Variants in APBA2 observed in about 807,000 individuals in gnomAD.
The protein encoded by APBA2 is amyloid-beta A4 precursor protein-binding family A member 2.
A neutral mutation model predicts 75.0 loss-of-function variants in APBA2; 30 were observed. That is an observed-to-expected ratio of 0.40 (90% CI 0.30 to 0.54). The LOEUF is 0.54. Among genes scored for constraint, APBA2 ranks in the 20% least tolerant of loss-of-function variants. The pLI is 0.49. For synonymous variants in APBA2, 444 were observed against 409.6 expected (o/e 1.08, Z -1.01); for missense variants, 801 against 1,016.1 (o/e 0.79, Z 2.88).
chr15:28,982,970 G>A (rs1460083977), intron 2 of APBA2, among the ~76,000 whole-genome samples: 1 of 152,228 alleles, frequency 6.6e-6, no homozygotes, highest in Non-Finnish European at 1.5e-5. Flanking sequence ...CTTGCATTTG[G>A]GTTGAGGTCC....
At chr15:28,889,629 G>A (rs534625523) in intron 1 of APBA2, among the ~76,000 whole-genome samples, 3 of 152,096 alleles carry the variant, frequency 2.0e-5, no homozygotes, top group Non-Finnish European at 4.4e-5. Context: ...TCATCTTGGC[G>A]CATGTCCATC....
intron 1 of APBA2, among the ~76,000 whole-genome samples, chr15:28,894,371 G>C: frequency 6.6e-6 from 1 of 152,212 alleles, no homozygotes; most frequent in Non-Finnish European, 1.5e-5. Context: ...GGCTGCTGGA[G>C]AATGTGCAGT....
intron 2 of APBA2, among the ~76,000 whole-genome samples, chr15:28,925,647 C>T (rs1281364175): frequency 6.6e-6 from 1 of 152,274 alleles, no homozygotes; most frequent in Admixed American, 6.5e-5. Context: ...GTGTATTTTG[C>T]TGTAGTTGGA....
intron 2 of APBA2, among the ~76,000 whole-genome samples, chr15:28,986,414 TG>T (rs1259089600): frequency 2.6e-5 from 4 of 152,230 alleles, no homozygotes; most frequent in African/African-American, 9.6e-5. Flanking sequence ...ACACTCAGCC[TG>T]TTCCGTAAGA....
intron 2 of APBA2, among the ~76,000 whole-genome samples, chr15:28,954,534 C>T (rs997745488): frequency 8.5e-5 from 13 of 152,190 alleles, no homozygotes; most frequent in Non-Finnish European, 1.9e-4. Context: ...GGTAACCCCC[C>T]ACCATGCACA....
At chr15:29,053,460 C>G (rs2041704843) in intron 3 of APBA2, among the ~76,000 whole-genome samples, 1 of 152,172 alleles carries the variant, frequency 6.6e-6, no homozygotes, top group South Asian at 2.1e-4. Context: ...ATTATGTCTT[C>G]TTAATGAAAG....
At chr15:29,108,665 A>G in intron 13 of APBA2, 1 of 562,068 alleles carries the variant, frequency 1.8e-6, no homozygotes, top group African/African-American at 1.9e-5. Flanking sequence ...CCTGCTTTGG[A>G]GGGAGGGCAG....
chr15:28,914,969 C>T lies in APBA2; in HGVS notation c.-204-6671C>T, dbSNP rs1431164598. Among the ~76,000 whole-genome samples the T allele has an allele frequency of 6.1e-5, 9 of 147,072 alleles. No individual in the cohort carries two copies. The East Asian group carries it at 1.2e-3, about 20-fold the overall frequency. On this transcript the variant is annotated intron_variant, in intron 1 of 14. Coordinates refer to ENST00000683413, the MANE Select transcript of APBA2 (RefSeq NM_001353788.2). ...CCATGCCCACCTCACACACACCACA[C>T]GCATACCCCATACACGCCACACACA... is the stretch of plus-strand genomic sequence containing the variant.
rs1595452781 is a variant in APBA2 at position 28,918,215 on chromosome 15, C to G, written c.-204-3425C>G. On this transcript the variant is annotated intron_variant, in intron 1 of 14. Transcript: ENST00000683413. This position sits in a 1 kb window ranked among gnomAD's most constrained non-coding sequence, Gnocchi z 4.2. ...GTGAGGGAAAAGGCACAGGGAGGTGCAGAAGCGTTCCTGGCGCCACGGAGC... is the reference window on the plus strand; with the variant it reads ...GTGAGGGAAAAGGCACAGGGAGGTGGAGAAGCGTTCCTGGCGCCACGGAGC... Among the ~76,000 whole-genome samples, 1 of 152,180 alleles carries G rather than the reference C, an allele frequency of 6.6e-6. No individual in the cohort carries two copies. Among genetic ancestry groups the G allele is most frequent in the African/African-American group, 2.4e-5 (1 of 41,448 alleles).
intron 1 of APBA2, among the ~76,000 whole-genome samples, chr15:28,889,253 C>A (rs1298470252): frequency 6.6e-6 from 1 of 152,198 alleles, no homozygotes; most frequent in East Asian, 1.9e-4. Flanking sequence ...TGTCCAGACA[C>A]ACAAGGGAGC....
At chr15:29,087,264 TAA>T (rs377060964) in intron 6 of APBA2, among the ~76,000 whole-genome samples, 5 of 151,912 alleles carry the variant, frequency 3.3e-5, no homozygotes, top group African/African-American at 1.2e-4. Flanking sequence ...CATTTTTTTT[TAA>T]AAAAAATTAT....
intron 2 of APBA2, among the ~76,000 whole-genome samples, chr15:28,939,512 C>T (rs922519839): frequency 6.6e-6 from 1 of 152,214 alleles, no homozygotes; most frequent in African/African-American, 2.4e-5. Flanking sequence ...CACATCCTCA[C>T]CAGCACTTGT....
At chr15:29,006,738 A>C (rs991247580) in intron 3 of APBA2, among the ~76,000 whole-genome samples, 1 of 152,182 alleles carries the variant, frequency 6.6e-6, no homozygotes, top group African/African-American at 2.4e-5. Context: ...AACCACCCCC[A>C]TGATACAGTT....
At position 29,054,908 on chromosome 15, in the gene APBA2, C is replaced by G. The variant is rs534756834; in HGVS notation, c.951+73C>G. 3 of 1,449,784 alleles carry G rather than the reference C, an allele frequency of 2.1e-6. No homozygotes were observed. The highest frequency in any genetic ancestry group is 1.2e-5 in the South Asian group (1 of 83,462). The allele number at this position is 1,449,784 out of a possible 1,614,324, so 89.8% of individuals were successfully genotyped here. A position where few individuals can be genotyped will look rare whatever the true frequency, so the allele number is the denominator to read the frequency against. ...AAGGGACCTCAGGGTACAGGCCTTG[C>G]AGATGCTGAAGCGAGGCGGTGGGGG... is the stretch of plus-strand genomic sequence containing the variant. On this transcript the variant is annotated intron_variant, in intron 4 of 14. Coordinates refer to ENST00000683413, the MANE Select transcript of APBA2 (RefSeq NM_001353788.2). The surrounding 1 kb of genome is among the most constrained non-coding windows in gnomAD (Gnocchi z 6.1).
At chr15:28,996,762 A>T (rs1171803395) in intron 3 of APBA2, among the ~76,000 whole-genome samples, 1 of 152,208 alleles carries the variant, frequency 6.6e-6, no homozygotes, top group Non-Finnish European at 1.5e-5. Context: ...GGGAAGGAGC[A>T]TGTGGTAAGC....
At chr15:28,886,455 G>A (rs983089986) in intron 1 of APBA2, among the ~76,000 whole-genome samples, 177 bp downstream of exon 1, 2 of 141,554 alleles carry the variant, frequency 1.4e-5, no homozygotes, top group African/African-American at 2.6e-5. Flanking sequence ...GGATATGGGG[G>A]TACAGCCCGG....
At chr15:29,002,782 C>T (rs572510674) in intron 3 of APBA2, among the ~76,000 whole-genome samples, 4 of 151,904 alleles carry the variant, frequency 2.6e-5, no homozygotes, top group African/African-American at 9.7e-5. Flanking sequence ...TCAGCCACTG[C>T]AGGAAAGGGT....
chr15:29,094,748 G>A (rs1339884072), intron 8 of APBA2, among the ~76,000 whole-genome samples: 1 of 152,178 alleles, frequency 6.6e-6, no homozygotes, highest in African/African-American at 2.4e-5. Context: ...TTGCCCGTGT[G>A]GTGCTTTCTT....
At chr15:28,934,527 C>T (rs565411920) in intron 2 of APBA2, among the ~76,000 whole-genome samples, 2 of 152,268 alleles carry the variant, frequency 1.3e-5, no homozygotes, top group Admixed American at 6.5e-5. Flanking sequence ...TCTAGGTGTG[C>T]GAGGTCTATT....
Sources: allele counts gnomAD v4.1 joint callset (sites outside exome capture counted in the v4.1 genomes callset), GRCh38; gene constraint gnomAD v4.1.1; non-coding constraint Gnocchi (gnomAD v3.1); transcripts MANE v1.5; gene names NCBI Gene and HGNC (gene_info 2026-07-23, HGNC 2026-07-21).